The following CFHR4 variants were observed in gnomAD, a reference collection of about 807,000 sequenced individuals.
The protein encoded by CFHR4 is complement factor H-related protein 4.
A neutral mutation model predicts 69.3 loss-of-function variants in CFHR4; 64 were observed. The observed-to-expected ratio is 0.92, with a 90% CI of 0.76 to 1.14. The LOEUF is 1.14. Ranked by LOEUF, CFHR4 falls within the 50% of genes most tolerant of loss-of-function variation. The probability of loss-of-function intolerance (pLI) is 0.00; values close to 1 mark genes in which losing one functional copy is unlikely to be tolerated. For missense variants in CFHR4, 636 were observed against 684.9 expected (o/e 0.93, Z 0.80); for synonymous variants, 244 against 237.0 (o/e 1.03, Z -0.27).
chr1:196,918,187 A>G (rs1205433356), intron 9 of CFHR4, 23 bp from the exon 10 acceptor site: 1 of 1,595,664 alleles, frequency 6.3e-7, no homozygotes, highest in African/African-American at 1.4e-5. Flanking sequence ...ATGATTGTTA[A>G]TTGTTTCTTT....
intron 1 of CFHR4, among the ~76,000 whole-genome samples, chr1:196,897,363 C>CA (rs1033858113): frequency 5.3e-5 from 8 of 151,448 alleles, no homozygotes; most frequent in Admixed American, 3.9e-4. Flanking sequence ...TTACAAAACT[C>CA]AGATTTGCTG....
intron 5 of CFHR4, among the ~76,000 whole-genome samples, chr1:196,908,142 A>C (rs1658016959): frequency 6.6e-6 from 1 of 151,320 alleles, no homozygotes; most frequent in Non-Finnish European, 1.5e-5. Context: ...GGAACATCAC[A>C]CACCAGGGTC....
rs956889654 is a variant in CFHR4, at chr1:196,910,276, A to G, written c.800-5A>G. On this transcript the variant is annotated splice_polypyrimidine_tract_variant and splice_region_variant and intron_variant, in intron 5 of 9. Coordinates refer to ENST00000608469, the MANE Select transcript of CFHR4 (RefSeq NM_001201550.3). Reference sequence around the variant, plus strand: ...ATTTATACTATTTTTGTTTTTTGTTACAAGCAATGAAACCTTGTGAGTTTC... The same window carrying G: ...ATTTATACTATTTTTGTTTTTTGTTGCAAGCAATGAAACCTTGTGAGTTTC... The G allele has an allele frequency of 1.3e-6, 2 of 1,554,720 alleles. No individual in the cohort carries two copies. The highest frequency in any genetic ancestry group is 1.8e-5 in the Admixed American group (1 of 56,284).
At chr1:196,902,148 T>C (rs897613848) in intron 1 of CFHR4, among the ~76,000 whole-genome samples, 1 of 151,436 alleles carries the variant, frequency 6.6e-6, no homozygotes, top group Non-Finnish European at 1.5e-5. Context: ...CGCCTTCATC[T>C]CTCAACCAGG....
rs188259847 is a variant in CFHR4 at position 196,912,264 on chromosome 1, C to T, written c.998-476C>T. Among the ~76,000 whole-genome samples the T allele has an allele frequency of 2.1e-3, 313 of 151,384 alleles. 14 individuals carry two copies. The highest frequency in any genetic ancestry group is 7.1e-3 in the African/African-American group (293 of 41,080). Reference sequence around the variant, plus strand: ...GGGTTTAAGCACCCACTTAAGATGACGACCACTTTAAATTCTTGGAGACAA... The same window carrying T: ...GGGTTTAAGCACCCACTTAAGATGATGACCACTTTAAATTCTTGGAGACAA... On this transcript the variant is annotated intron_variant, in intron 6 of 9. Coordinates refer to ENST00000608469, the MANE Select transcript of CFHR4 (RefSeq NM_001201550.3).
At chr1:196,907,676 T>C (rs1406630953) in intron 5 of CFHR4, among the ~76,000 whole-genome samples, 178 bp downstream of exon 5, 1 of 151,564 alleles carries the variant, frequency 6.6e-6, no homozygotes, top group African/African-American at 2.4e-5. Flanking sequence ...AAATTTTATG[T>C]AAACAATGAC....
chr1:196,907,461 T>C lies in CFHR4; in HGVS notation c.762T>C (p.Cys254=), dbSNP rs773626135. Residue 254 remains cysteine (C), a synonymous_variant, in exon 5 of 10, where the codon TGT becomes TGC. Transcript: ENST00000608469. Reference sequence around the variant, plus strand: ...TTCAGGGTTCTAAATATGTAACATGTAGTAATGGAGACTGGTCAGAACCAC... The same window carrying C: ...TTCAGGGTTCTAAATATGTAACATGCAGTAATGGAGACTGGTCAGAACCAC... The part of the protein sequence containing the change: ...YELQGSKYVT[C]SNGDWSEPPR... 8 of 1,612,020 alleles carry C rather than the reference T, an allele frequency of 5.0e-6. No homozygotes were observed. Among genetic ancestry groups the C allele is most frequent in the Non-Finnish European group, 5.9e-6 (7 of 1,179,114 alleles).
chr1:196,915,162 C>T, intron 9 of CFHR4, 24 bp downstream of exon 9: 11 of 1,598,266 alleles, frequency 6.9e-6, no homozygotes, highest in Non-Finnish European at 9.4e-6. Context: ...ATTCTAGATC[C>T]TGAGAAAATC....
At chr1:196,903,612 C>T (rs1657740545) in intron 2 of CFHR4, among the ~76,000 whole-genome samples, 1 of 150,712 alleles carries the variant, frequency 6.6e-6, no homozygotes, top group African/African-American at 2.5e-5. Flanking sequence ...GAGATTAGAC[C>T]ACTGCACTCC....
At chr1:196,908,324 A>T (rs781387085) in intron 5 of CFHR4, among the ~76,000 whole-genome samples, 8 of 151,526 alleles carry the variant, frequency 5.3e-5, no homozygotes, top group Non-Finnish European at 1.2e-4. Context: ...ATGCACTATT[A>T]ACTAAAATCC....
chr1:196,903,706 CATAT>C (rs1657749040), intron 2 of CFHR4, among the ~76,000 whole-genome samples: 1 of 150,962 alleles, frequency 6.6e-6, no homozygotes, highest in South Asian at 2.1e-4. Flanking sequence ...CACACACACA[CATAT>C]GTCATGAAGA....
At chr1:196,900,927 G>C (rs867879650) in intron 1 of CFHR4, among the ~76,000 whole-genome samples, 3 of 151,290 alleles carry the variant, frequency 2.0e-5, no homozygotes, top group Non-Finnish European at 4.4e-5. Flanking sequence ...TTGTTCCCAG[G>C]TCTTTGTTAA....
Position 196,902,556 on chromosome 1 carries a change from G to C in CFHR4, c.197G>C (p.Ser66Thr), listed in dbSNP as rs1299379079. ...CDQNFVTPSG[S>T]YWDYIHCTQD... ...CAAAATTTTGTGACTCCTTCAGGAA[G>C]TTACTGGGATTACATTCATTGCACA... Residue 66 changes from serine (S) to threonine (T), a missense_variant, in exon 2 of 10, where the codon AGT (serine) becomes ACT (threonine). Physicochemically the swap from Ser to Thr is moderately conservative, Grantham distance 58. Around this residue, in one of 3 missense-constraint regions of CFHR4, gnomAD observed 529 missense variants for 533.2 expected, o/e 0.99. Transcript: ENST00000608469. 1.9e-6 allele frequency: 3 copies of C among 1,612,364 alleles called. No homozygotes were observed. Among genetic ancestry groups the C allele is most frequent in the African/African-American group, 1.3e-5 (1 of 74,456 alleles).
chr1:196,890,585 T>C (rs1656968556), intron 1 of CFHR4, among the ~76,000 whole-genome samples: 1 of 151,584 alleles, frequency 6.6e-6, no homozygotes, highest in South Asian at 2.1e-4. Context: ...AAATATTTCA[T>C]TCATCTATTA....
chr1:196,918,505 C>T lies in CFHR4; in HGVS notation c.*99C>T, dbSNP rs1658789658. On this transcript the variant is annotated 3_prime_UTR_variant, in exon 10 of 10. Coordinates refer to ENST00000608469, the MANE Select transcript of CFHR4 (RefSeq NM_001201550.3). ...GCTTCTGATATTGTTGTAATTTCTA[C>T]TTTATTTCAAAGAAAATTAATATAA... 1 of 1,218,804 alleles carries T rather than the reference C, an allele frequency of 8.2e-7. No individual in the cohort carries two copies. The highest frequency in any genetic ancestry group is 1.2e-6 in the Non-Finnish European group (1 of 839,908). 75.5% of individuals were successfully genotyped at this position (1,218,804 alleles called of 1,614,324 possible).
At chr1:196,906,778 T>G (rs896150180) in intron 3 of CFHR4, 83 bp from the exon 4 acceptor site, 78 of 1,410,806 alleles carry the variant, frequency 5.5e-5, no homozygotes, top group Non-Finnish European at 7.3e-5. Context: ...ATTGGTAAAT[T>G]TTATTCCTAC....
intron 1 of CFHR4, among the ~76,000 whole-genome samples, chr1:196,900,713 A>C (rs754752337): frequency 5.9e-5 from 9 of 151,438 alleles, no homozygotes; most frequent in Non-Finnish European, 1.0e-4. Flanking sequence ...TATCATGATG[A>C]AATTTGCAAA....
intron 1 of CFHR4, among the ~76,000 whole-genome samples, chr1:196,889,723 A>G (rs1043764694): frequency 6.6e-6 from 1 of 151,520 alleles, no homozygotes; most frequent in East Asian, 1.9e-4. Flanking sequence ...TCCAAAATTT[A>G]TTTGTAAAAG....
intron 5 of CFHR4, 44 bp downstream of exon 5, chr1:196,907,542 C>A (rs745733598): frequency 6.6e-7 from 1 of 1,508,568 alleles, no homozygotes; most frequent in Non-Finnish European, 9.1e-7. Context: ...AGAGTAATAA[C>A]TTTGATCCTT....
Sources: gnomAD v4.1 joint callset for allele counts (sites outside exome capture counted in the v4.1 genomes callset) on GRCh38, gnomAD v4.1.1 for gene constraint, gnomAD v4.1.1 regional missense constraint, MANE v1.5 for transcripts, NCBI Gene and HGNC (gene_info 2026-07-23, HGNC 2026-07-21) for gene names.